The following ACTN2 variants were observed in gnomAD, a reference collection of about 807,000 sequenced individuals.
ACTN2 encodes the protein alpha-actinin-2.
A neutral mutation model predicts 113.8 loss-of-function variants in ACTN2; 39 were observed. That is an observed-to-expected ratio of 0.34 (90% CI 0.27 to 0.45). The LOEUF (loss-of-function observed/expected upper bound fraction) is 0.45, where lower values mean the gene tolerates loss of function less well. Among genes scored for constraint, ACTN2 ranks in the 20% least tolerant of loss-of-function variants. The pLI, the probability that ACTN2 is intolerant of heterozygous loss-of-function variation, is 1.00. For synonymous variants in ACTN2, 429 were observed against 444.1 expected, an observed-to-expected ratio of 0.97 and a Z score of 0.43; for missense variants, 992 against 1,177.9, an observed-to-expected ratio of 0.84 and a Z score of 2.31.
At chr1:236,729,780 A>G (rs1658662992) in intron 6 of ACTN2, among the ~76,000 whole-genome samples, 1 of 152,210 alleles carries the variant, frequency 6.6e-6, no homozygotes, top group African/African-American at 2.4e-5. Flanking sequence ...GTTCTTTTCA[A>G]TTAATCTTAA....
chr1:236,704,821 A>G (rs1455085481), intron 1 of ACTN2, among the ~76,000 whole-genome samples: 1 of 152,134 alleles, frequency 6.6e-6, no homozygotes, highest in African/African-American at 2.4e-5. Context: ...GCATAATTGA[A>G]GCTTGGAGAA....
At chr1:236,718,225 G>GA (rs371731955) in intron 2 of ACTN2, among the ~76,000 whole-genome samples, 9 of 152,112 alleles carry the variant, frequency 5.9e-5, no homozygotes, top group African/African-American at 1.4e-4. Flanking sequence ...AATAAGAGAA[G>GA]AAAAAATGAC....
intron 1 of ACTN2, among the ~76,000 whole-genome samples, chr1:236,705,522 GGT>G (rs35981254): frequency 0.042 from 6,336 of 152,270 alleles, 178 homozygotes; most frequent in Middle Eastern, 0.088. Context: ...TTCTGTGGGA[GGT>G]GGAGTGTCCC....
intron 1 of ACTN2, among the ~76,000 whole-genome samples, chr1:236,706,636 A>T (rs75904035): frequency 0.015 from 2,296 of 152,248 alleles, 59 homozygotes; most frequent in African/African-American, 0.051. Context: ...ATCAGTGTAT[A>T]TTTCAGTGTC....
chr1:236,737,039 C>T, intron 8 of ACTN2, 83 bp from the exon 9 acceptor site: 1 of 1,184,394 alleles, frequency 8.4e-7, no homozygotes, highest in Middle Eastern at 2.4e-4. Context: ...CTCCTCGTCC[C>T]CTCTCATCAC....
chr1:236,739,591 G>A, intron 10 of ACTN2, 59 bp downstream of exon 10: 1 of 1,584,430 alleles, frequency 6.3e-7, no homozygotes, highest in Non-Finnish European at 8.6e-7. Flanking sequence ...CTAGCCTAAA[G>A]GCGTTTGACC....
intron 18 of ACTN2, 142 bp downstream of exon 18, chr1:236,757,774 C>T (rs1659593572): frequency 2.6e-6 from 3 of 1,169,022 alleles, no homozygotes; most frequent in South Asian, 2.6e-5. Flanking sequence ...AAGAAAATAG[C>T]CACCAAAACT....
chr1:236,749,261 C>T lies in ACTN2; in HGVS notation c.1653C>T (p.Ile551=). The change falls in exon 14 of 21, where the codon ATC becomes ATT. Residue 551 remains isoleucine, a synonymous_variant. Coordinates refer to ENST00000366578, the MANE Select transcript of ACTN2 (RefSeq NM_001103.4). ...DMFIVHSIEE[I]QSLITAHEQF... Reference sequence around the variant, plus strand: ...TCATTGTCCACAGCATTGAGGAGATCCAGGTAATGGAACCGCAACTCTGTA... The same window carrying T: ...TCATTGTCCACAGCATTGAGGAGATTCAGGTAATGGAACCGCAACTCTGTA... The T allele has an allele frequency of 6.2e-7, 1 of 1,614,048 alleles. No homozygotes were observed. The highest frequency in any genetic ancestry group is 8.5e-7 in the Non-Finnish European group (1 of 1,180,016).
chr1:236,738,466 G>T (rs1658959485), intron 9 of ACTN2, among the ~76,000 whole-genome samples: 1 of 152,200 alleles, frequency 6.6e-6, no homozygotes, highest in South Asian at 2.1e-4. Context: ...TTGTTGAATG[G>T]CAGTGACAGG....
At position 236,736,894 on chromosome 1, in the gene ACTN2, A is replaced by T; in HGVS notation, c.784-228A>T. 4.9e-6 allele frequency: 3 copies of T among 608,642 alleles called. 1 individual carries two copies. In the South Asian group the frequency reaches 5.7e-5, roughly 12 times the overall value. 37.7% of individuals were successfully genotyped at this position (608,642 alleles called of 1,614,324 possible). A position where few individuals can be genotyped will look rare whatever the true frequency, so the allele number is the denominator to read the frequency against. On this transcript the variant is annotated intron_variant, in intron 8 of 20. Coordinates refer to ENST00000366578, the MANE Select transcript of ACTN2 (RefSeq NM_001103.4). The stretch of plus-strand genomic sequence containing the variant: ...ATGCTCTCTCCCCGTTATTCCCTAC[A>T]GTCTAATCAGCCTGCCGTGTAAGTC...
At chr1:236,750,105 G>T (rs895137840) in intron 14 of ACTN2, among the ~76,000 whole-genome samples, 1 of 152,098 alleles carries the variant, frequency 6.6e-6, no homozygotes, top group African/African-American at 2.4e-5. Context: ...AAGTGGTGAC[G>T]TTAGGGAGGA....
intron 18 of ACTN2, among the ~76,000 whole-genome samples, chr1:236,759,459 T>C (rs1229878118): frequency 6.6e-6 from 1 of 152,240 alleles, no homozygotes; most frequent in Admixed American, 6.5e-5. Flanking sequence ...AGCTCCTGAC[T>C]AGTTCCTTTT....
chr1:236,742,202 G>A (rs1659090354), intron 10 of ACTN2, among the ~76,000 whole-genome samples: 1 of 151,930 alleles, frequency 6.6e-6, no homozygotes, highest in Admixed American at 6.6e-5. Context: ...TTCCCATACG[G>A]CATTTTGTTT....
intron 1 of ACTN2, among the ~76,000 whole-genome samples, chr1:236,716,230 G>A (rs1252424007): frequency 6.6e-6 from 1 of 151,214 alleles, no homozygotes; most frequent in Non-Finnish European, 1.5e-5. Context: ...TTGTCTTTCT[G>A]TAGTCTGACT....
Position 236,757,642 on chromosome 1 carries a change from T to C in ACTN2, c.2301+10T>C. 1 of 1,614,108 alleles carries C rather than the reference T, an allele frequency of 6.2e-7. No individual in the cohort carries two copies. Among genetic ancestry groups the C allele is most frequent in the Non-Finnish European group, 8.5e-7 (1 of 1,179,994 alleles). On this transcript the variant is annotated intron_variant, in intron 18 of 20. Transcript: ENST00000366578. ...CAACCACTTTGACAGGGTACCACTC[T>C]CTACTTATTTGAAGGGCAATACTGG...
In ACTN2 at chr1:236,755,165, C is replaced by G. The variant is rs1659517614; in HGVS notation, c.2121C>G (p.Val707=). Residue 707 remains valine (V), a synonymous_variant, in exon 17 of 21, where the codon GTC becomes GTG. Coordinates refer to ENST00000366578, the MANE Select transcript of ACTN2 (RefSeq NM_001103.4). The part of the protein sequence containing the change: ...GDHQLIQEAL[V]FDNKHTNYTM... ...ATCAGCTCATCCAGGAGGCCCTTGT[C>G]TTTGACAACAAGCACACGAACTACA... The G allele has an allele frequency of 6.2e-7, 1 of 1,614,134 alleles. No homozygotes were observed. The highest frequency in any genetic ancestry group is 8.5e-7 in the Non-Finnish European group (1 of 1,180,032).
At chr1:236,727,630 C>T in intron 5 of ACTN2, 48 bp from the exon 6 acceptor site, 2 of 1,602,190 alleles carry the variant, frequency 1.2e-6, no homozygotes, top group Non-Finnish European at 1.7e-6. Flanking sequence ...CTGGCTGCTT[C>T]TTTCTCTCCA....
chr1:236,727,187 A>T (rs1425220127), intron 5 of ACTN2, among the ~76,000 whole-genome samples: 1 of 5,276 alleles, frequency 1.9e-4, no homozygotes, highest in East Asian at 0.045. Flanking sequence ...AAGAAAAAGA[A>T]AAAAAAAAGA....
chr1:236,701,016 T>C (rs1441380592), intron 1 of ACTN2, among the ~76,000 whole-genome samples: 1 of 152,222 alleles, frequency 6.6e-6, no homozygotes, highest in Non-Finnish European at 1.5e-5. Context: ...CTGTTCCTTA[T>C]GAAATGAACT....
Sources: allele counts gnomAD v4.1 joint callset (sites outside exome capture counted in the v4.1 genomes callset), GRCh38; gene constraint gnomAD v4.1.1; transcripts MANE v1.5; gene names NCBI Gene and HGNC (gene_info 2026-07-23, HGNC 2026-07-21).